DNAH6: variants seen among roughly 807,000 people sequenced by gnomAD.
The protein encoded by DNAH6 is dynein axonemal heavy chain 6, also known as axonemal beta dynein heavy chain 6.
DNAH6 carries 340 observed loss-of-function variants against 491.4 expected under a neutral mutation model. That is an observed-to-expected ratio of 0.69 (90% CI 0.63 to 0.76). The LOEUF (loss-of-function observed/expected upper bound fraction) is 0.76, where lower values mean the gene tolerates loss of function less well. Among genes scored for constraint, DNAH6 ranks in the 30% least tolerant of loss-of-function variants. The probability of loss-of-function intolerance (pLI) is 0.00; values close to 1 mark genes in which losing one functional copy is unlikely to be tolerated. For missense variants in DNAH6, 4,443 were observed against 4,972.2 expected (o/e 0.89, Z 3.20); for synonymous variants, 1,603 against 1,686.1 (o/e 0.95, Z 1.21).
chr2:84,495,096 GT>G, the DNAH6 span, among the ~76,000 whole-genome samples: 1 of 152,218 alleles, frequency 6.6e-6, no homozygotes, highest in Non-Finnish European at 1.5e-5. Context: ...CATATGATGT[GT>G]GGCCTGGGCA....
At chr2:84,534,959 T>C (rs1677541379) in intron 4 of DNAH6, among the ~76,000 whole-genome samples, 1 of 151,982 alleles carries the variant, frequency 6.6e-6, no homozygotes, top group Non-Finnish European at 1.5e-5. Context: ...AGAAAACATA[T>C]TCTAATAAAA....
Position 84,634,602 on chromosome 2 carries a change from G to T in DNAH6, c.4614G>T (p.Ala1538=). The T allele has an allele frequency of 6.5e-7, 1 of 1,548,440 alleles. No individual in the cohort carries two copies. Among genetic ancestry groups the T allele is most frequent in the Non-Finnish European group, 8.7e-7 (1 of 1,145,736 alleles). The part of the protein sequence containing the change: ...RIDIEVLSVI[A]QQLITIRNAK... ...ACATAGAAGTTCTGTCCGTCATCGC[G>T]CAGCAACTCATTACCATTAGGAACG... The change falls in exon 30 of 77, where the codon GCG becomes GCT. Residue 1538 remains alanine (A), a synonymous_variant. Transcript: ENST00000389394.
chr2:84,677,111 A>G lies in DNAH6; in HGVS notation c.6719A>G (p.Glu2240Gly). 1 of 1,551,736 alleles carries G rather than the reference A, an allele frequency of 6.4e-7. No homozygotes were observed. Among genetic ancestry groups the G allele is most frequent in the Non-Finnish European group, 8.7e-7 (1 of 1,146,964 alleles). The change falls in exon 41 of 77, where the codon GAG (glutamate) becomes GGG (glycine). Residue 2240 changes from glutamate (E) to glycine (G), a missense_variant. Glu to Gly is a moderately conservative substitution (Grantham distance 98, BLOSUM62 -2). Coordinates refer to ENST00000389394, the MANE Select transcript of DNAH6 (RefSeq NM_001370.2). ...ATGCTGTGCCTCCCAATGCCCTCAGAGCACAGTCTGAAACAGATTTTTCAG... is the reference window on the plus strand; with the variant it reads ...ATGCTGTGCCTCCCAATGCCCTCAGGGCACAGTCTGAAACAGATTTTTCAG... ...FSMLCLPMPS[E>G]HSLKQIFQAI...
At chr2:84,758,923 T>C (rs1674307422) in intron 63 of DNAH6, among the ~76,000 whole-genome samples, 1 of 152,160 alleles carries the variant, frequency 6.6e-6, no homozygotes, top group African/African-American at 2.4e-5. Context: ...TTCAACATAG[T>C]ACTAGAGTCC....
At chr2:84,726,560 C>T (rs1393302949) in intron 60 of DNAH6, among the ~76,000 whole-genome samples, 1 of 152,114 alleles carries the variant, frequency 6.6e-6, no homozygotes, top group Non-Finnish European at 1.5e-5. Flanking sequence ...TGCATGTTCT[C>T]ACTCATAGGT....
intron 4 of DNAH6, among the ~76,000 whole-genome samples, chr2:84,529,850 A>G (rs906584022): frequency 2.6e-5 from 4 of 152,174 alleles, no homozygotes; most frequent in Non-Finnish European, 5.9e-5. Flanking sequence ...TTCCCCATTC[A>G]TGGCTCTCTT....
At chr2:84,707,126 A>G (rs1696544306) in intron 53 of DNAH6, 107 bp downstream of exon 53, 3 of 1,246,334 alleles carry the variant, frequency 2.4e-6, no homozygotes, top group Non-Finnish European at 3.2e-6. Context: ...TGTAGAATGT[A>G]TTTTCATTAG....
chr2:84,548,216 C>A, intron 7 of DNAH6, 72 bp from the exon 8 acceptor site: 1 of 1,439,190 alleles, frequency 6.9e-7, no homozygotes, highest in Non-Finnish European at 9.3e-7. Context: ...TTTATCTTTT[C>A]TTTGAATCAT....
chr2:84,644,346 C>A (rs1490210707), intron 33 of DNAH6, among the ~76,000 whole-genome samples: 4 of 152,134 alleles, frequency 2.6e-5, no homozygotes, highest in African/African-American at 9.7e-5. Context: ...GTGCTCCAGC[C>A]TATTTCAGAA....
intron 29 of DNAH6, among the ~76,000 whole-genome samples, chr2:84,628,439 A>C (rs945014778): frequency 1.3e-5 from 2 of 152,166 alleles, no homozygotes; most frequent in African/African-American, 4.8e-5. Context: ...AGGAGGTTAC[A>C]CTACAGATCC....
At chr2:84,469,166 A>G in the DNAH6 span, among the ~76,000 whole-genome samples, 1 of 152,040 alleles carries the variant, frequency 6.6e-6, no homozygotes, top group Admixed American at 6.5e-5. The surrounding 1 kb of genome is among the most constrained non-coding windows in gnomAD (Gnocchi z 4.0). Context: ...TTTTTTTCCC[A>G]TTCGTTCAAC....
intron 28 of DNAH6, 51 bp downstream of exon 28, chr2:84,624,671 C>A: frequency 1.3e-6 from 2 of 1,512,344 alleles, no homozygotes; most frequent in South Asian, 1.3e-5. Flanking sequence ...GCTTTTCAAT[C>A]AAAAGTCTTG....
chr2:84,494,445 C>T, the DNAH6 span, among the ~76,000 whole-genome samples: 1 of 152,254 alleles, frequency 6.6e-6, no homozygotes, highest in East Asian at 1.9e-4. Context: ...CATCGAAAAT[C>T]CCACTTTCAG....
chr2:84,795,795 A>C (rs1678287370), intron 68 of DNAH6, among the ~76,000 whole-genome samples: 1 of 152,228 alleles, frequency 6.6e-6, no homozygotes, highest in Non-Finnish European at 1.5e-5. Flanking sequence ...AATTCCTTAT[A>C]ATTACTGTGA....
At chr2:84,747,601 G>A (rs1277238191) in intron 63 of DNAH6, among the ~76,000 whole-genome samples, 1 of 152,156 alleles carries the variant, frequency 6.6e-6, no homozygotes, top group Non-Finnish European at 1.5e-5. Flanking sequence ...TTCCCAGACT[G>A]AGGGTGCGCA....
chr2:84,685,253 CTAAT>C (rs1694157315), intron 42 of DNAH6, 69 bp from the exon 43 acceptor site: 1 of 1,141,220 alleles, frequency 8.8e-7, no homozygotes, highest in African/African-American at 1.6e-5. Context: ...TAAGGGTTTC[CTAAT>C]TAAACTATTA....
intron 64 of DNAH6, among the ~76,000 whole-genome samples, chr2:84,778,504 CT>C (rs35187823): frequency 0.064 from 9,378 of 145,570 alleles, 306 homozygotes; most frequent in African/African-American, 0.093. Flanking sequence ...GCACTATAAA[CT>C]TTTTTTTTTT....
chr2:84,710,569 C>T lies in DNAH6; in HGVS notation c.9378+157C>T, dbSNP rs552824339. ...CTCTTCTCCTTAAACAATACATTAT[C>T]ACATTGCAAGAGGGGTGGGAGGGAG... is the stretch of plus-strand genomic sequence containing the variant. On this transcript the variant is annotated intron_variant, in intron 56 of 76. Transcript: ENST00000389394. Among the ~76,000 whole-genome samples, 245 of 152,230 alleles carry T rather than the reference C, an allele frequency of 1.6e-3. 7 individuals are homozygous for T. In the South Asian group the frequency reaches 0.017, roughly 10 times the overall value.
intron 64 of DNAH6, among the ~76,000 whole-genome samples, chr2:84,778,868 G>A (rs1345910785): frequency 1.3e-5 from 2 of 152,144 alleles, no homozygotes; most frequent in Non-Finnish European, 2.9e-5. Context: ...TTGTTTCAAA[G>A]AAGTGTTTTA....
Sources: gnomAD v4.1 joint callset for allele counts (sites outside exome capture counted in the v4.1 genomes callset) on GRCh38, gnomAD v4.1.1 for gene constraint, Gnocchi (gnomAD v3.1) non-coding constraint, MANE v1.5 for transcripts, NCBI Gene and HGNC (gene_info 2026-07-23, HGNC 2026-07-21) for gene names.